TSHZ3: variants seen among roughly 807,000 people sequenced by gnomAD.
TSHZ3 encodes the protein teashirt homolog 3.
A neutral mutation model predicts 64.5 loss-of-function variants in TSHZ3; 10 were observed. The observed-to-expected ratio is 0.16, with a 90% confidence interval of 0.10 to 0.26. The LOEUF is 0.26. Among genes scored for constraint, TSHZ3 ranks in the 10% least tolerant of loss-of-function variants. The pLI, the probability that TSHZ3 is intolerant of heterozygous loss-of-function variation, is 1.00. For missense variants in TSHZ3, 1,242 were observed against 1,421.7 expected, an observed-to-expected ratio of 0.87 and a Z score of 2.03; for synonymous variants, 608 against 593.1, an observed-to-expected ratio of 1.03 and a Z score of -0.36.
At chr19:31,285,127 G>A (rs1306921105) in intron 1 of TSHZ3, among the ~76,000 whole-genome samples, 2 of 152,274 alleles carry the variant, frequency 1.3e-5, no homozygotes, top group South Asian at 4.2e-4. Flanking sequence ...CACCCCAGTC[G>A]GTGGTCTCCT....
At chr19:31,150,452 T>C (rs1157250783) in exon 7 of TSHZ3, among the ~76,000 whole-genome samples, 1 of 152,220 alleles carries the variant, frequency 6.6e-6, no homozygotes, top group Non-Finnish European at 1.5e-5. Context: ...GGGTACCATA[T>C]CCTGGTGCAT....
chr19:31,334,133 C>A (rs894168453), intron 1 of TSHZ3, among the ~76,000 whole-genome samples: 1 of 152,122 alleles, frequency 6.6e-6, no homozygotes, highest in African/African-American at 2.4e-5. Context: ...TAGTTATTCA[C>A]CTAACCATCT....
chr19:31,158,253 G>A lies in TSHZ3; in HGVS notation n.810-1836C>T, dbSNP rs116459662. Among the ~76,000 whole-genome samples, 365 of 152,132 alleles carry A rather than the reference G, an allele frequency of 2.4e-3. 1 individual carries two copies. The highest frequency in any genetic ancestry group is 8.1e-3 in the African/African-American group (338 of 41,508). ...GTACTATCAATGTAAAACACACACC[G>A]GATCTCAAGGACAATAGAGAAAAAA... On this transcript the variant is annotated intron_variant and non_coding_transcript_variant, in intron 5 of 6. Transcript: ENST00000651361.
At chr19:31,225,007 C>T (rs1262676813) in intron 4 of TSHZ3, among the ~76,000 whole-genome samples, 1 of 152,220 alleles carries the variant, frequency 6.6e-6, no homozygotes, top group Non-Finnish European at 1.5e-5. Context: ...CTTCTGAACA[C>T]TGCAATGTGC....
chr19:31,288,237 G>T (rs1267686777), intron 1 of TSHZ3, among the ~76,000 whole-genome samples: 1 of 152,142 alleles, frequency 6.6e-6, no homozygotes, highest in Non-Finnish European at 1.5e-5. Flanking sequence ...GGCTCTCCAG[G>T]ACTCATGCAC....
intron 1 of TSHZ3, among the ~76,000 whole-genome samples, chr19:31,255,036 G>C (rs957592883): frequency 3.3e-5 from 5 of 152,192 alleles, no homozygotes; most frequent in Admixed American, 2.0e-4. Flanking sequence ...AGCTAGAGGA[G>C]AGTCTGGGTT....
intron 1 of TSHZ3, among the ~76,000 whole-genome samples, chr19:31,283,711 G>A (rs1976404857): frequency 6.6e-6 from 1 of 152,202 alleles, no homozygotes; most frequent in African/African-American, 2.4e-5. Flanking sequence ...GCTTAATCTG[G>A]TTCATTCTCT....
At chr19:31,150,916 A>G (rs776029236) in exon 7 of TSHZ3, among the ~76,000 whole-genome samples, 26 of 152,250 alleles carry the variant, frequency 1.7e-4, no homozygotes, top group South Asian at 6.2e-4. Flanking sequence ...GCTTCAGTTC[A>G]AGGCAACAGA....
chr19:31,283,125 G>T (rs574610164), intron 1 of TSHZ3, among the ~76,000 whole-genome samples: 4 of 152,248 alleles, frequency 2.6e-5, no homozygotes, highest in African/African-American at 9.6e-5. Flanking sequence ...CTGAGCTCAG[G>T]AGTTTGAGAC....
At chr19:31,222,493 G>T (rs1382681195) in intron 4 of TSHZ3, among the ~76,000 whole-genome samples, 1 of 152,162 alleles carries the variant, frequency 6.6e-6, no homozygotes, top group African/African-American at 2.4e-5. Context: ...TAAAGTCAAG[G>T]TTCCCATCTT....
chr19:31,204,716 G>T (rs566266960), intron 5 of TSHZ3: 1 of 152,224 alleles, frequency 6.6e-6, no homozygotes, highest in South Asian at 2.1e-4. Context: ...CCATGTTTCC[G>T]TCCTGAGTTG....
intron 1 of TSHZ3, among the ~76,000 whole-genome samples, chr19:31,250,605 T>C (rs1368284974): frequency 2.0e-5 from 3 of 152,242 alleles, no homozygotes; most frequent in Non-Finnish European, 4.4e-5. Context: ...CTAAGTGGAA[T>C]ACGCTAAGTA....
At chr19:31,325,771 A>G (rs770270331) in intron 1 of TSHZ3, among the ~76,000 whole-genome samples, 1 of 152,200 alleles carries the variant, frequency 6.6e-6, no homozygotes, top group Non-Finnish European at 1.5e-5. Context: ...AGAAAAGACT[A>G]GAAGCAACCA....
At chr19:31,244,677 T>C (rs192207575) in intron 1 of TSHZ3, among the ~76,000 whole-genome samples, 1 of 152,282 alleles carries the variant, frequency 6.6e-6, no homozygotes, top group East Asian at 1.9e-4. Context: ...ATGGCCTGGC[T>C]CTGTCCCCCA....
chr19:31,212,727 A>G (rs1975275147), intron 4 of TSHZ3, among the ~76,000 whole-genome samples: 1 of 152,150 alleles, frequency 6.6e-6, no homozygotes, highest in African/African-American at 2.4e-5. Context: ...CTCTTAGCAT[A>G]CCATCCTGCA....
chr19:31,318,353 A>C (rs571543767), intron 1 of TSHZ3, among the ~76,000 whole-genome samples: 1 of 152,300 alleles, frequency 6.6e-6, no homozygotes, highest in African/African-American at 2.4e-5. Flanking sequence ...GCAAAGAAGC[A>C]CTTTAATTCA....
At chr19:31,265,353 C>T (rs1394518184) in intron 1 of TSHZ3, among the ~76,000 whole-genome samples, 4 of 135,854 alleles carry the variant, frequency 2.9e-5, no homozygotes, top group African/African-American at 5.5e-5. Context: ...GCCAAAGTTG[C>T]GCCATTGCAC....
intron 5 of TSHZ3, among the ~76,000 whole-genome samples, chr19:31,195,244 C>A (rs1195694593): frequency 6.6e-6 from 1 of 151,854 alleles, no homozygotes; most frequent in African/African-American, 2.4e-5. Flanking sequence ...CTAGGAAGCT[C>A]AGAGAACACC....
chr19:31,249,531 A>G (rs1471863052), intron 1 of TSHZ3, among the ~76,000 whole-genome samples: 2 of 151,882 alleles, frequency 1.3e-5, no homozygotes, highest in African/African-American at 2.4e-5. Flanking sequence ...ACACACACAC[A>G]CTCTCCAAAG....
Sources: gnomAD v4.1 joint callset for allele counts (sites outside exome capture counted in the v4.1 genomes callset) on GRCh38, gnomAD v4.1.1 for gene constraint, MANE v1.5 for transcripts, NCBI Gene and HGNC (gene_info 2026-07-23, HGNC 2026-07-21) for gene names.